The following ANKRD28 variants were observed in gnomAD, a reference collection of about 807,000 sequenced individuals.
ANKRD28 encodes the protein ankyrin repeat domain 28, also known as serine/threonine-protein phosphatase 6 regulatory ankyrin repeat subunit A.
In ANKRD28, 44 loss-of-function variants were observed where a neutral mutation model predicts 126.5. The ratio of observed to expected loss-of-function variants is 0.35; its 90% CI spans 0.27 to 0.45. ANKRD28 has a LOEUF of 0.45. Among genes scored for constraint, ANKRD28 ranks in the 20% least tolerant of loss-of-function variants. ANKRD28 has a pLI of 1.00. For synonymous variants in ANKRD28, 442 were observed against 468.5 expected (o/e 0.94, Z 0.73); for missense variants, 1,110 against 1,316.6 (o/e 0.84, Z 2.43).
At chr3:15,779,348 T>C (rs2059439336) in intron 2 of ANKRD28, among the ~76,000 whole-genome samples, 1 of 152,162 alleles carries the variant, frequency 6.6e-6, no homozygotes, top group East Asian at 1.9e-4. Flanking sequence ...TGGCACATAT[T>C]ACTAGACAAG....
intron 1 of ANKRD28, among the ~76,000 whole-genome samples, chr3:15,859,111 G>C (rs944638748): frequency 1.3e-5 from 2 of 152,196 alleles, no homozygotes; most frequent in African/African-American, 4.8e-5. Context: ...CGCCCGACGC[G>C]AGGGCGGTGA....
chr3:15,673,455 C>T lies in ANKRD28; in HGVS notation c.2965+2443G>A, dbSNP rs191795660. ...AGAATATATCAGTGAATGCAACTGACAAAGATTTCACTGTTCTTGTGGAGC... is the reference window on the plus strand; with the variant it reads ...AGAATATATCAGTGAATGCAACTGATAAAGATTTCACTGTTCTTGTGGAGC... On this transcript the variant is annotated intron_variant, in intron 27 of 27. Transcript: ENST00000683139. Among the ~76,000 whole-genome samples the T allele has an allele frequency of 2.0e-5, 3 of 152,288 alleles. No homozygotes were observed. In the East Asian group the frequency reaches 5.8e-4, roughly 29 times the overall value.
intron 20 of ANKRD28, 106 bp downstream of exon 20, chr3:15,685,896 A>C: frequency 1.2e-6 from 1 of 846,590 alleles, no homozygotes; most frequent in South Asian, 1.8e-5. Context: ...GGTAAAGACT[A>C]TTTGACGAAC....
At chr3:15,714,789 G>A (rs1209783845) in intron 8 of ANKRD28, 133 bp from the exon 9 acceptor site, 16 of 544,168 alleles carry the variant, frequency 2.9e-5, no homozygotes, top group South Asian at 1.7e-4. Context: ...TGAGGCCTAT[G>A]GAGGTAAAAC....
At chr3:15,756,621 CTG>C (rs2058175339) in intron 3 of ANKRD28, 1 of 477,834 alleles carries the variant, frequency 2.1e-6, no homozygotes, top group African/African-American at 2.1e-5. Flanking sequence ...AACTAGTTGG[CTG>C]TGTGACCTGG....
At chr3:15,848,269 C>A (rs892204691) in intron 1 of ANKRD28, among the ~76,000 whole-genome samples, 1 of 152,216 alleles carries the variant, frequency 6.6e-6, no homozygotes, top group Non-Finnish European at 1.5e-5. Flanking sequence ...AATGAAGAAA[C>A]TCTGACAATA....
Position 15,815,778 on chromosome 3 carries a change from C to T in ANKRD28, c.28-20472G>A, listed in dbSNP as rs1348774300. ...AACATAAAAATCTGTTATTTCTTCC[C>T]TTGTCAAAATTATTTATGAACAAAT... On this transcript the variant is annotated intron_variant, in intron 1 of 27. Transcript: ENST00000399451. The surrounding 1 kb of genome is among the most constrained non-coding windows in gnomAD (Gnocchi z 4.1). Among the ~76,000 whole-genome samples the T allele has an allele frequency of 3.3e-5, 5 of 152,106 alleles. No homozygotes were observed. Among genetic ancestry groups the T allele is most frequent in the African/African-American group, 1.2e-4 (5 of 41,402 alleles).
chr3:15,857,315 C>T (rs748173153), intron 1 of ANKRD28, among the ~76,000 whole-genome samples: 1 of 152,266 alleles, frequency 6.6e-6, no homozygotes, highest in South Asian at 2.1e-4. Flanking sequence ...GATGGAGTCT[C>T]GCTCTGTCGC....
chr3:15,723,558 C>T (rs1214274210), intron 7 of ANKRD28, among the ~76,000 whole-genome samples: 1 of 151,982 alleles, frequency 6.6e-6, no homozygotes, highest in Admixed American at 6.6e-5. Flanking sequence ...TTTGGGAGAC[C>T]AAGGCAGGAG....
rs2061359695 is a variant in ANKRD28, at chr3:15,838,123, A to G, written c.27+21254T>C. Among the ~76,000 whole-genome samples the G allele has an allele frequency of 6.6e-6, 1 of 152,228 alleles. No homozygotes were observed. Among genetic ancestry groups the G allele is most frequent in the African/African-American group, 2.4e-5 (1 of 41,478 alleles). On this transcript the variant is annotated intron_variant, in intron 1 of 27. Transcript: ENST00000399451. This position sits in a 1 kb window ranked among gnomAD's most constrained non-coding sequence, Gnocchi z 4.0. ...ACTCTATCAACTAAAGAAATTAGTA[A>G]TTAAAATCTTCCCACAAAGAAAAGC...
intron 13 of ANKRD28, 97 bp from the exon 14 acceptor site, chr3:15,708,161 TTTA>T: frequency 7.3e-7 from 1 of 1,362,646 alleles, no homozygotes; most frequent in Non-Finnish European, 1.0e-6. Flanking sequence ...TTACAAATAC[TTTA>T]TTTACAGTGA....
chr3:15,743,545 AACACACAC>A (rs4036221), intron 4 of ANKRD28, among the ~76,000 whole-genome samples: 18,779 of 140,384 alleles, frequency 0.13, 1,299 homozygotes, highest in South Asian at 0.18. Context: ...GTGGCTTTTT[AACACACAC>A]ACACACACAC....
intron 2 of ANKRD28, among the ~76,000 whole-genome samples, chr3:15,779,026 C>T (rs2059426173): frequency 6.6e-6 from 1 of 152,178 alleles, no homozygotes; most frequent in African/African-American, 2.4e-5. Context: ...GAGGCCCCCA[C>T]AGCCATGCAG....
intron 1 of ANKRD28, among the ~76,000 whole-genome samples, chr3:15,832,321 T>C (rs949854062): frequency 6.6e-6 from 1 of 152,210 alleles, no homozygotes; most frequent in Non-Finnish European, 1.5e-5. Flanking sequence ...TGTGACATAA[T>C]TACATACCTA....
chr3:15,807,368 G>C (rs1358652939), intron 1 of ANKRD28, among the ~76,000 whole-genome samples: 1 of 152,212 alleles, frequency 6.6e-6, no homozygotes, highest in East Asian at 1.9e-4. Flanking sequence ...ATGTGGGATA[G>C]ACGTGGACAT....
At chr3:15,765,906 C>T (rs765226015) in intron 3 of ANKRD28, among the ~76,000 whole-genome samples, 49 of 151,298 alleles carry the variant, frequency 3.2e-4, no homozygotes, top group Non-Finnish European at 5.7e-4. Context: ...TATCCCACCC[C>T]GATTATCCTG....
chr3:15,805,883 A>G (rs998905188), intron 1 of ANKRD28, among the ~76,000 whole-genome samples: 1 of 152,234 alleles, frequency 6.6e-6, no homozygotes, highest in Admixed American at 6.5e-5. Flanking sequence ...TCTGAAGTGT[A>G]CATTCGTTAT....
intron 4 of ANKRD28, among the ~76,000 whole-genome samples, chr3:15,744,473 CTTTT>C (rs551103706): frequency 2.2e-5 from 3 of 137,246 alleles, no homozygotes; most frequent in Non-Finnish European, 4.7e-5. Context: ...CCAAACCTGG[CTTTT>C]TTTTTTTTTT....
chr3:15,694,541 G>A (rs1420726794), intron 17 of ANKRD28, among the ~76,000 whole-genome samples, 198 bp downstream of exon 17: 79 of 144,362 alleles, frequency 5.5e-4, no homozygotes, highest in Middle Eastern at 3.7e-3. Flanking sequence ...TCTAAAGCAA[G>A]AAACAGAAAA....
Sources: allele counts gnomAD v4.1 joint callset (sites outside exome capture counted in the v4.1 genomes callset), GRCh38; gene constraint gnomAD v4.1.1; non-coding constraint Gnocchi (gnomAD v3.1); transcripts MANE v1.5; gene names NCBI Gene and HGNC (gene_info 2026-07-23, HGNC 2026-07-21).